The following SLC2A13 variants were observed in gnomAD, a reference collection of about 807,000 sequenced individuals.
SLC2A13 encodes the protein proton myo-inositol cotransporter.
SLC2A13 carries 32 observed loss-of-function variants against 64.4 expected under a neutral mutation model. The ratio of observed to expected loss-of-function variants is 0.50; its 90% CI spans 0.37 to 0.67. The LOEUF is 0.67. Ranked by LOEUF, SLC2A13 falls within the 30% of genes least tolerant of loss-of-function variation. SLC2A13 has a pLI of 0.00. For synonymous variants in SLC2A13, 338 were observed against 327.1 expected (o/e 1.03, Z -0.36); for missense variants, 743 against 829.2 (o/e 0.90, Z 1.28).
At position 40,105,752 on chromosome 12, in the gene SLC2A13, C is replaced by T. The variant is rs1375518680; in HGVS notation, c.57G>A (p.Leu19=). 3 of 1,489,970 alleles carry T rather than the reference C, an allele frequency of 2.0e-6. No individual in the cohort carries two copies. The African/African-American group carries it at 4.4e-5, about 22-fold the overall frequency. The allele number at this position is 1,489,970 out of a possible 1,614,324, so 92.3% of individuals were successfully genotyped here. ...GCTGCTTCCTGCGCCGCTCGCCCAT[C>T]AGGCTGCTCAGGCTCCGCAGCGTGT... ...VEYTLRSLSS[L]MGERRRKQPE... The change falls in exon 1 of 10, where the codon CTG becomes CTA. Residue 19 remains leucine (L), a synonymous_variant. Coordinates refer to ENST00000280871, the MANE Select transcript of SLC2A13 (RefSeq NM_052885.4). This position sits in a 1 kb window ranked among gnomAD's most constrained non-coding sequence, Gnocchi z 4.2.
intron 1 of SLC2A13, chr12:40,068,194 A>T (rs1937813000): frequency 1.5e-5 from 4 of 259,344 alleles, no homozygotes; most frequent in Non-Finnish European, 3.0e-5. Flanking sequence ...AGGGATTACA[A>T]GGATAAACCT....
chr12:39,979,967 C>T (rs1429575471), intron 3 of SLC2A13, among the ~76,000 whole-genome samples: 13 of 148,734 alleles, frequency 8.7e-5, no homozygotes, highest in East Asian at 8.1e-4. Flanking sequence ...AGACTAACAG[C>T]GGATCTCTCG....
intron 7 of SLC2A13, among the ~76,000 whole-genome samples, chr12:39,783,268 C>T (rs190323626): frequency 1.2e-4 from 19 of 152,330 alleles, no homozygotes; most frequent in African/African-American, 4.3e-4. Context: ...TTCACTCTAT[C>T]ACTGATGGAC....
intron 4 of SLC2A13, among the ~76,000 whole-genome samples, chr12:39,923,794 C>T (rs1565544303): frequency 6.6e-6 from 1 of 151,448 alleles, no homozygotes; most frequent in Non-Finnish European, 1.5e-5. Flanking sequence ...GTAACAAAAG[C>T]TTACCAAACC....
intron 7 of SLC2A13, 106 bp downstream of exon 7, chr12:39,829,997 G>T: frequency 7.3e-7 from 1 of 1,367,666 alleles, no homozygotes; most frequent in Non-Finnish European, 1.0e-6. Context: ...TAGTTATGAA[G>T]GCCAGTTTAA....
intron 1 of SLC2A13, among the ~76,000 whole-genome samples, chr12:40,101,217 A>G (rs1490980881): frequency 2.0e-5 from 3 of 152,166 alleles, no homozygotes; most frequent in African/African-American, 7.2e-5. Context: ...AAATAATGCC[A>G]TATTTAAAAC....
intron 2 of SLC2A13, among the ~76,000 whole-genome samples, chr12:40,037,557 TGTAA>T (rs949928873): frequency 2.0e-5 from 3 of 149,042 alleles, no homozygotes; most frequent in African/African-American, 7.5e-5. Context: ...CGGTCAATGC[TGTAA>T]GTGAGCTATG....
chr12:40,073,463 GATTA>G (rs1440104301), intron 1 of SLC2A13, among the ~76,000 whole-genome samples: 5 of 152,028 alleles, frequency 3.3e-5, no homozygotes, highest in African/African-American at 9.7e-5. Flanking sequence ...TCAGATCAAT[GATTA>G]ATTAAAAAAT....
At chr12:39,766,289 T>C (rs1229745891) in intron 7 of SLC2A13, among the ~76,000 whole-genome samples, 1 of 152,100 alleles carries the variant, frequency 6.6e-6, no homozygotes, top group Non-Finnish European at 1.5e-5. Flanking sequence ...ATAAAGTGGG[T>C]CACACGGATT....
At chr12:40,041,077 C>T (rs186452383) in intron 2 of SLC2A13, among the ~76,000 whole-genome samples, 51 of 152,224 alleles carry the variant, frequency 3.4e-4, no homozygotes, top group African/African-American at 1.1e-3. Flanking sequence ...CTCAGCCTCC[C>T]GAGTAACTGG....
At chr12:39,993,095 C>T (rs1316966691) in intron 3 of SLC2A13, among the ~76,000 whole-genome samples, 1 of 152,070 alleles carries the variant, frequency 6.6e-6, no homozygotes, top group African/African-American at 2.4e-5. Flanking sequence ...TCTTATTTTA[C>T]AATTCTAAAG....
At chr12:39,768,948 G>C (rs1208531803) in intron 7 of SLC2A13, among the ~76,000 whole-genome samples, 1 of 152,054 alleles carries the variant, frequency 6.6e-6, no homozygotes, top group Non-Finnish European at 1.5e-5. Context: ...AGTATATACT[G>C]TCTTCACTAG....
Position 40,105,132 on chromosome 12 carries a change from G to A in SLC2A13, c.556+121C>T. 13 of 1,404,596 alleles carry A rather than the reference G, an allele frequency of 9.3e-6. No homozygotes were observed. Among genetic ancestry groups the A allele is most frequent in the Non-Finnish European group, 1.2e-5 (13 of 1,085,518 alleles). 87.0% of individuals were successfully genotyped at this position (1,404,596 alleles called of 1,614,324 possible). ...GATGGGCTCTGGAGGCCAGAGAAGTGGAGGATTCTCTGACCCTGGGAGACC... is the reference window on the plus strand; with the variant it reads ...GATGGGCTCTGGAGGCCAGAGAAGTAGAGGATTCTCTGACCCTGGGAGACC... On this transcript the variant is annotated intron_variant, in intron 1 of 9. Coordinates refer to ENST00000280871, the MANE Select transcript of SLC2A13 (RefSeq NM_052885.4). This position sits in a 1 kb window ranked among gnomAD's most constrained non-coding sequence, Gnocchi z 4.2.
intron 3 of SLC2A13, among the ~76,000 whole-genome samples, chr12:39,964,424 A>G (rs1946469766): frequency 6.6e-6 from 1 of 152,216 alleles, no homozygotes; most frequent in Non-Finnish European, 1.5e-5. Context: ...CAAAGTATGG[A>G]CTTTCCAGTC....
intron 6 of SLC2A13, among the ~76,000 whole-genome samples, chr12:39,848,053 G>A (rs1400546855): frequency 6.6e-6 from 1 of 152,006 alleles, no homozygotes; most frequent in Admixed American, 6.6e-5. Flanking sequence ...TGAAAAGTGG[G>A]AAAGTCAAAG....
intron 3 of SLC2A13, among the ~76,000 whole-genome samples, chr12:39,996,666 G>A (rs1947236484): frequency 6.6e-6 from 1 of 152,200 alleles, no homozygotes. Context: ...GCTGGAAGGG[G>A]CCAACATAGA....
rs572873652 is a variant in SLC2A13, at chr12:40,020,831, T to C, written c.925+7470A>G. On this transcript the variant is annotated intron_variant, in intron 3 of 9. Coordinates refer to ENST00000280871, the MANE Select transcript of SLC2A13 (RefSeq NM_052885.4). ...TTACGAAGCAGACTATCACCTATAC[T>C]GAATGATGGATTTCAAGTTAAGTTG... Among the ~76,000 whole-genome samples the C allele has an allele frequency of 4.6e-5, 7 of 152,196 alleles. No homozygotes were observed. The South Asian group carries it at 1.5e-3, about 32-fold the overall frequency.
At chr12:39,915,258 A>T (rs1267676111) in intron 4 of SLC2A13, among the ~76,000 whole-genome samples, 7 of 152,034 alleles carry the variant, frequency 4.6e-5, no homozygotes, top group Admixed American at 4.6e-4. Flanking sequence ...ACATTGTAAC[A>T]CTGTAATTAC....
intron 1 of SLC2A13, among the ~76,000 whole-genome samples, chr12:40,098,408 A>T (rs1334087840): frequency 6.6e-6 from 1 of 152,244 alleles, no homozygotes; most frequent in African/African-American, 2.4e-5. Context: ...TGTTCTAGAG[A>T]TGTGTTGTGC....
Sources: gnomAD v4.1 joint callset for allele counts (sites outside exome capture counted in the v4.1 genomes callset) on GRCh38, gnomAD v4.1.1 for gene constraint, Gnocchi (gnomAD v3.1) non-coding constraint, MANE v1.5 for transcripts, NCBI Gene and HGNC (gene_info 2026-07-23, HGNC 2026-07-21) for gene names.